ELP4: variants seen among roughly 807,000 people sequenced by gnomAD.
ELP4 encodes the protein elongator complex protein 4.
Under a neutral mutation model 48.9 loss-of-function variants are expected in ELP4, and 51 were observed. The observed-to-expected ratio is 1.04, with a 90% CI of 0.83 to 1.32. ELP4 has a LOEUF of 1.32. Among genes scored for constraint, ELP4 ranks in the 40% most tolerant of loss-of-function variants. ELP4 has a pLI of 0.00. For synonymous variants in ELP4, 210 were observed against 189.2 expected (o/e 1.11, Z -0.90); for missense variants, 519 against 514.6 (o/e 1.01, Z -0.08).
At chr11:31,748,636 A>G (rs915012974) in intron 9 of ELP4, among the ~76,000 whole-genome samples, 5 of 152,148 alleles carry the variant, frequency 3.3e-5, no homozygotes, top group African/African-American at 9.7e-5. Context: ...TTTCCCCCAT[A>G]TATCTGACTG....
At chr11:31,767,651 T>C (rs1948068778) in intron 9 of ELP4, 1 of 152,228 alleles carries the variant, frequency 6.6e-6, no homozygotes, top group East Asian at 1.9e-4. Context: ...TTTTCTTTTT[T>C]CTGATCATCA....
At chr11:31,579,029 C>G (rs952842724) in intron 3 of ELP4, among the ~76,000 whole-genome samples, 1 of 152,190 alleles carries the variant, frequency 6.6e-6, no homozygotes, top group Non-Finnish European at 1.5e-5. Context: ...AAAATTTTTA[C>G]AATCTACCCA....
chr11:31,748,801 C>T (rs1234459249), intron 9 of ELP4, among the ~76,000 whole-genome samples: 1 of 151,914 alleles, frequency 6.6e-6, no homozygotes, highest in Non-Finnish European at 1.5e-5. Context: ...GCCAGGAGTT[C>T]AAGACCAGCC....
intron 1 of ELP4, among the ~76,000 whole-genome samples, chr11:31,516,648 C>A (rs936593973): frequency 1.3e-5 from 2 of 152,088 alleles, no homozygotes; most frequent in African/African-American, 4.8e-5. Context: ...GGTGGCAGCA[C>A]GCCTTGCTAA....
At chr11:31,658,038 A>G (rs1945475535) in intron 9 of ELP4, among the ~76,000 whole-genome samples, 1 of 151,948 alleles carries the variant, frequency 6.6e-6, no homozygotes, top group African/African-American at 2.4e-5. Context: ...CACAAAACTG[A>G]TAACTGGCAG....
At chr11:31,769,024 A>C (rs1454104087) in intron 9 of ELP4, among the ~76,000 whole-genome samples, 1 of 152,158 alleles carries the variant, frequency 6.6e-6, no homozygotes, top group African/African-American at 2.4e-5. Context: ...TTGACAAAGT[A>C]AATACAACTA....
chr11:31,772,837 C>T (rs1053616149), intron 9 of ELP4, among the ~76,000 whole-genome samples: 1 of 152,228 alleles, frequency 6.6e-6, no homozygotes, highest in Non-Finnish European at 1.5e-5. Flanking sequence ...CCATAATTCA[C>T]TTACTCCCTC....
chr11:31,613,917 G>A (rs1201054224), intron 5 of ELP4, among the ~76,000 whole-genome samples: 1 of 151,750 alleles, frequency 6.6e-6, no homozygotes, highest in Non-Finnish European at 1.5e-5. Context: ...CACCATGTTG[G>A]CCAGGCTGGT....
At chr11:31,611,623 A>G (rs1472646851) in intron 5 of ELP4, among the ~76,000 whole-genome samples, 1 of 152,236 alleles carries the variant, frequency 6.6e-6, no homozygotes, top group Non-Finnish European at 1.5e-5. Flanking sequence ...CATATGTCCG[A>G]TAATATTTAT....
intron 3 of ELP4, among the ~76,000 whole-genome samples, chr11:31,584,670 C>T (rs906632388): frequency 1.3e-5 from 2 of 151,800 alleles, no homozygotes; most frequent in East Asian, 1.9e-4. Context: ...TGGGATTACA[C>T]GCACCCGCCA....
At chr11:31,694,546 T>A (rs1197986743) in intron 9 of ELP4, among the ~76,000 whole-genome samples, 1 of 152,204 alleles carries the variant, frequency 6.6e-6, no homozygotes, top group Non-Finnish European at 1.5e-5. Flanking sequence ...ACCAGTACCA[T>A]GCTGTTTTGG....
At chr11:31,650,330 C>G (rs1945294674) in intron 9 of ELP4, 109 bp downstream of exon 9, 1 of 475,562 alleles carries the variant, frequency 2.1e-6, no homozygotes, top group South Asian at 4.9e-5. Flanking sequence ...TAATGAAATT[C>G]TTAGGACATG....
intron 9 of ELP4, among the ~76,000 whole-genome samples, chr11:31,722,744 T>C (rs1479768039): frequency 6.6e-6 from 1 of 151,938 alleles, no homozygotes; most frequent in Non-Finnish European, 1.5e-5. Context: ...TCCCCCTTTC[T>C]CTACCTGTAT....
intron 9 of ELP4, among the ~76,000 whole-genome samples, chr11:31,755,007 A>T (rs946921540): frequency 6.6e-6 from 1 of 152,190 alleles, no homozygotes; most frequent in African/African-American, 2.4e-5. Context: ...TGATTGCTGG[A>T]TTCCAGGCCC....
intron 9 of ELP4, among the ~76,000 whole-genome samples, chr11:31,672,284 G>T (rs996591955): frequency 1.3e-5 from 2 of 152,144 alleles, no homozygotes; most frequent in African/African-American, 4.8e-5. Context: ...TGTTGCAGAA[G>T]TTTGTAAGAA....
chr11:31,698,178 A>G (rs929118581), intron 9 of ELP4, among the ~76,000 whole-genome samples: 11 of 152,160 alleles, frequency 7.2e-5, no homozygotes, highest in Non-Finnish European at 1.5e-4. Context: ...AGTATACTCA[A>G]AGTTGAAACT....
At chr11:31,677,811 G>A (rs931394560) in intron 9 of ELP4, among the ~76,000 whole-genome samples, 1 of 152,092 alleles carries the variant, frequency 6.6e-6, no homozygotes, top group Middle Eastern at 3.2e-3. Context: ...TCTTGCATTA[G>A]AGTGGAATAT....
intron 9 of ELP4, 64 bp downstream of exon 9, chr11:31,650,285 CTTTAT>C (rs1256337704): frequency 2.2e-5 from 12 of 541,154 alleles, no homozygotes; most frequent in South Asian, 6.3e-5. Context: ...CTTATTTTTA[CTTTAT>C]TTTATTTTCA....
intron 9 of ELP4, among the ~76,000 whole-genome samples, chr11:31,757,264 C>T (rs1947852349): frequency 6.6e-6 from 1 of 151,958 alleles, no homozygotes; most frequent in South Asian, 2.1e-4. Flanking sequence ...TTTGAGTCTA[C>T]CTAAGGAAAA....
Sources: gnomAD v4.1 joint callset for allele counts (sites outside exome capture counted in the v4.1 genomes callset) on GRCh38, gnomAD v4.1.1 for gene constraint, MANE v1.5 for transcripts, NCBI Gene and HGNC (gene_info 2026-07-23, HGNC 2026-07-21) for gene names.